Variants in KIF26B observed in about 807,000 individuals in gnomAD.
The protein encoded by KIF26B is kinesin-like protein KIF26B.
Under a neutral mutation model 151.2 loss-of-function variants are expected in KIF26B, and 63 were observed. The observed-to-expected ratio is 0.42, with a 90% CI of 0.34 to 0.51. The LOEUF (loss-of-function observed/expected upper bound fraction) is 0.51. Ranked by LOEUF, KIF26B falls within the 20% of genes least tolerant of loss-of-function variation. KIF26B has a pLI of 0.07. For synonymous variants in KIF26B, 1,357 were observed against 1,262.1 expected (o/e 1.08, Z -1.59); for missense variants, 2,813 against 2,913.6 (o/e 0.97, Z 0.79).
chr1:245,698,064 A>G lies in KIF26B; in HGVS notation c.5825-42A>G, dbSNP rs562889687. Reference sequence around the variant, plus strand: ...CTCAAAAAAACAACAAAAAAATTGAAATTCAGAAAGACTAACTCTCTGGGC... The same window carrying G: ...CTCAAAAAAACAACAAAAAAATTGAGATTCAGAAAGACTAACTCTCTGGGC... On this transcript the variant is annotated intron_variant, in intron 12 of 14. Transcript: ENST00000407071. This position sits in a 1 kb window ranked among gnomAD's most constrained non-coding sequence, Gnocchi z 4.0. 45 of 1,558,430 alleles carry G rather than the reference A, an allele frequency of 2.9e-5. No homozygotes were observed. Among genetic ancestry groups the G allele is most frequent in the Non-Finnish European group, 3.8e-5 (44 of 1,149,778 alleles).
intron 5 of KIF26B, among the ~76,000 whole-genome samples, chr1:245,543,715 C>T (rs1430892386): frequency 6.6e-5 from 10 of 152,196 alleles, no homozygotes; most frequent in African/African-American, 2.2e-4. Flanking sequence ...TTTGGGAGGC[C>T]GAGGCGGGCG....
intron 3 of KIF26B, among the ~76,000 whole-genome samples, chr1:245,386,405 C>T (rs74391899): frequency 0.054 from 8,175 of 151,682 alleles, 747 homozygotes; most frequent in African/African-American, 0.19. Context: ...CCAGTGACTC[C>T]GGTGCCTTGA....
At chr1:245,377,894 C>T (rs1296932092) in intron 3 of KIF26B, among the ~76,000 whole-genome samples, 1 of 152,172 alleles carries the variant, frequency 6.6e-6, no homozygotes. Flanking sequence ...CATCCTTATA[C>T]TGGAGGGGAG....
chr1:245,689,041 G>A (rs1276518125), intron 12 of KIF26B, among the ~76,000 whole-genome samples: 2 of 152,142 alleles, frequency 1.3e-5, no homozygotes, highest in African/African-American at 4.8e-5. Context: ...GGCTCCGCCG[G>A]GGACATCACC....
chr1:245,678,399 G>T (rs767824106), intron 10 of KIF26B, among the ~76,000 whole-genome samples: 3 of 152,140 alleles, frequency 2.0e-5, no homozygotes, highest in Non-Finnish European at 4.4e-5. Context: ...GCGTGGGATG[G>T]TTACTGGAAT....
chr1:245,312,976 C>T (rs1292084578), intron 2 of KIF26B, among the ~76,000 whole-genome samples: 4 of 151,860 alleles, frequency 2.6e-5, no homozygotes, highest in African/African-American at 9.7e-5. Flanking sequence ...CCTGGCCAAC[C>T]TGGTGAGACC....
intron 2 of KIF26B, among the ~76,000 whole-genome samples, chr1:245,327,775 AT>A (rs1672021751): frequency 6.6e-6 from 1 of 152,102 alleles, no homozygotes; most frequent in Non-Finnish European, 1.5e-5. Context: ...ATTTTTAGCT[AT>A]TTTTTCCATG....
At chr1:245,541,207 CG>C (rs1412505742) in intron 5 of KIF26B, among the ~76,000 whole-genome samples, 1 of 152,092 alleles carries the variant, frequency 6.6e-6, no homozygotes, top group Non-Finnish European at 1.5e-5. Context: ...TTGACAGAAT[CG>C]TAGCCATTTA....
At chr1:245,604,828 C>T (rs2043433731) in intron 6 of KIF26B, among the ~76,000 whole-genome samples, 1 of 152,280 alleles carries the variant, frequency 6.6e-6, no homozygotes, top group Middle Eastern at 3.4e-3. Context: ...TATAAATTTG[C>T]AGTTTTCAAG....
intron 2 of KIF26B, among the ~76,000 whole-genome samples, chr1:245,258,360 AC>A (rs1416446221): frequency 6.6e-6 from 1 of 152,148 alleles, no homozygotes; most frequent in Non-Finnish European, 1.5e-5. Flanking sequence ...AACTTCAGGT[AC>A]CAGAGTGCAT....
At chr1:245,329,046 A>G (rs966650672) in intron 2 of KIF26B, among the ~76,000 whole-genome samples, 2 of 152,204 alleles carry the variant, frequency 1.3e-5, no homozygotes, top group Non-Finnish European at 2.9e-5. Flanking sequence ...AAATGAGGGC[A>G]TCTGGATATT....
chr1:245,263,436 G>A (rs1052131807), intron 2 of KIF26B, among the ~76,000 whole-genome samples: 1 of 152,162 alleles, frequency 6.6e-6, no homozygotes, highest in Non-Finnish European at 1.5e-5. Flanking sequence ...ATGTTAGCAC[G>A]GTTGATGCAT....
chr1:245,447,938 T>C (rs1159236153), intron 4 of KIF26B, among the ~76,000 whole-genome samples: 1 of 152,232 alleles, frequency 6.6e-6, no homozygotes, highest in East Asian at 1.9e-4. Context: ...ACTGGAGCTG[T>C]GACACCGCCT....
intron 2 of KIF26B, among the ~76,000 whole-genome samples, chr1:245,346,156 GCTGGTCTTGAACTCCTGA>G (rs1672451876): frequency 6.6e-6 from 1 of 151,924 alleles, no homozygotes; most frequent in Non-Finnish European, 1.5e-5. Context: ...TCTTGGCCAG[GCTGGTCTTGAACTCCTGA>G]CCTCGTGATC....
chr1:245,308,251 G>A (rs9428352), intron 2 of KIF26B, among the ~76,000 whole-genome samples: 7,324 of 152,234 alleles, frequency 0.048, 273 homozygotes, highest in African/African-American at 0.11. Context: ...TGAGAAGGCT[G>A]TGTGGCCTTG....
chr1:245,268,089 G>A (rs549500428), intron 2 of KIF26B, among the ~76,000 whole-genome samples: 1 of 152,042 alleles, frequency 6.6e-6, no homozygotes, highest in African/African-American at 2.4e-5. Context: ...GAAGGATCAC[G>A]TGAACCCAGG....
At chr1:245,694,078 C>T (rs915119813) in intron 12 of KIF26B, among the ~76,000 whole-genome samples, 4 of 152,150 alleles carry the variant, frequency 2.6e-5, no homozygotes, top group Non-Finnish European at 4.4e-5. Flanking sequence ...GTGCGGGGTT[C>T]GGAATCGCAG....
intron 4 of KIF26B, among the ~76,000 whole-genome samples, chr1:245,477,297 A>G (rs1660061164): frequency 6.6e-6 from 1 of 151,450 alleles, no homozygotes; most frequent in Non-Finnish European, 1.5e-5. Context: ...TTGTGCATTC[A>G]GCAAATACTT....
chr1:245,407,327 C>A (rs1265442785), intron 3 of KIF26B, among the ~76,000 whole-genome samples: 5 of 152,156 alleles, frequency 3.3e-5, no homozygotes, highest in Non-Finnish European at 5.9e-5. Flanking sequence ...CCAGAGAATT[C>A]CAGCTCTGCA....
Sources: allele counts gnomAD v4.1 joint callset (sites outside exome capture counted in the v4.1 genomes callset), GRCh38; gene constraint gnomAD v4.1.1; non-coding constraint Gnocchi (gnomAD v3.1); transcripts MANE v1.5; gene names NCBI Gene and HGNC (gene_info 2026-07-23, HGNC 2026-07-21).